The following VEGFC variants were observed in gnomAD, a reference collection of about 807,000 sequenced individuals.
VEGFC encodes vascular endothelial growth factor C.
Under a neutral mutation model 46.1 loss-of-function variants are expected in VEGFC, and 12 were observed. The ratio of observed to expected loss-of-function variants is 0.26; its 90% CI spans 0.17 to 0.42. The LOEUF is 0.42. VEGFC is among the 10% of genes least tolerant of loss of function. The pLI is 1.00. For missense variants in VEGFC, 488 were observed against 529.4 expected, an observed-to-expected ratio of 0.92 and a Z score of 0.77; for synonymous variants, 232 against 195.5, an observed-to-expected ratio of 1.19 and a Z score of -1.56.
intron 1 of VEGFC, among the ~76,000 whole-genome samples, chr4:176,774,904 G>T (rs1282481542): frequency 6.6e-6 from 1 of 151,574 alleles, no homozygotes; most frequent in African/African-American, 2.4e-5. Flanking sequence ...CCTCTAGATT[G>T]TCAGGTAAGA....
chr4:176,722,488 G>GTTTTTTTTTTTTTTTTTTT (rs138526102), intron 3 of VEGFC, among the ~76,000 whole-genome samples: 3 of 134,976 alleles, frequency 2.2e-5, no homozygotes, highest in Non-Finnish European at 3.0e-5. Flanking sequence ...TTTTTCTTTT[G>GTTTTTTTTTTTTTTTTTTT]TTTTTTTTTT....
intron 1 of VEGFC, among the ~76,000 whole-genome samples, chr4:176,767,529 C>T (rs1560960607): frequency 6.6e-6 from 1 of 152,128 alleles, no homozygotes; most frequent in Non-Finnish European, 1.5e-5. Context: ...CTCACCTTGC[C>T]CCTGCAGGAC....
intron 1 of VEGFC, among the ~76,000 whole-genome samples, chr4:176,757,142 T>C (rs1735446305): frequency 3.3e-5 from 5 of 152,086 alleles, no homozygotes; most frequent in Admixed American, 3.3e-4. Context: ...TAACAGGTGA[T>C]GGAAATAAGT....
At chr4:176,723,254 C>A (rs1340107762) in intron 3 of VEGFC, among the ~76,000 whole-genome samples, 1 of 151,706 alleles carries the variant, frequency 6.6e-6, no homozygotes, top group South Asian at 2.1e-4. Flanking sequence ...ATCTGGATAT[C>A]TAGATATAGA....
Position 176,727,814 on chromosome 4 carries a change from C to T in VEGFC, c.516G>A (p.Gln172=). The T allele has an allele frequency of 6.2e-7, 1 of 1,613,834 alleles. No homozygotes were observed. Among genetic ancestry groups the T allele is most frequent in the Non-Finnish European group, 8.5e-7 (1 of 1,179,800 alleles). The change falls in exon 3 of 7, where the codon CAG becomes CAA. Residue 172 remains glutamine (Q), a synonymous_variant. Coordinates refer to ENST00000618562, the MANE Select transcript of VEGFC (RefSeq NM_005429.5). ...GGTAGCTCGTGCTGGTGTTCATGCA[C>T]TGCAGCCCCTCACTATTGCAGCAAC... ...CGGCCNSEGL[Q]CMNTSTSYLS...
chr4:176,745,922 A>G (rs549629254), intron 1 of VEGFC, among the ~76,000 whole-genome samples: 49 of 152,236 alleles, frequency 3.2e-4, no homozygotes, highest in African/African-American at 1.1e-3. Context: ...GTACAAGGGC[A>G]AAATTTTAAT....
At chr4:176,776,769 T>C (rs1041794023) in intron 1 of VEGFC, among the ~76,000 whole-genome samples, 2 of 152,202 alleles carry the variant, frequency 1.3e-5, no homozygotes, top group African/African-American at 2.4e-5. Context: ...AAATAGAAAA[T>C]TGTTAACATT....
At chr4:176,726,162 A>T (rs1451780140) in intron 3 of VEGFC, among the ~76,000 whole-genome samples, 1 of 152,174 alleles carries the variant, frequency 6.6e-6, no homozygotes, top group East Asian at 1.9e-4. Context: ...ATGTTAGTCT[A>T]TCAAAAATAT....
chr4:176,784,454 A>G (rs992659863), intron 1 of VEGFC, among the ~76,000 whole-genome samples: 2 of 151,990 alleles, frequency 1.3e-5, no homozygotes, highest in Admixed American at 6.6e-5. Flanking sequence ...TTTTAAAAGG[A>G]TAAAGTAACT....
intron 4 of VEGFC, among the ~76,000 whole-genome samples, chr4:176,695,226 T>C (rs375090859): frequency 6.6e-6 from 1 of 151,780 alleles, no homozygotes; most frequent in African/African-American, 2.4e-5. Flanking sequence ...ATTGATAGAC[T>C]GCTAGCAAGA....
intron 1 of VEGFC, among the ~76,000 whole-genome samples, chr4:176,761,154 A>G (rs1735524289): frequency 6.6e-6 from 1 of 152,216 alleles, no homozygotes; most frequent in South Asian, 2.1e-4. Context: ...ATTGTGAGAA[A>G]ATTAAATTAT....
intron 1 of VEGFC, among the ~76,000 whole-genome samples, chr4:176,764,894 A>C (rs1735593542): frequency 1.3e-5 from 2 of 152,180 alleles, no homozygotes; most frequent in South Asian, 2.1e-4. Flanking sequence ...AGACTAACAA[A>C]AAAATAGAAA....
chr4:176,718,402 T>C (rs1347860940), intron 3 of VEGFC, among the ~76,000 whole-genome samples: 3 of 152,150 alleles, frequency 2.0e-5, no homozygotes, highest in Non-Finnish European at 4.4e-5. Context: ...CATTATATAG[T>C]TGCATATTTT....
intron 1 of VEGFC, among the ~76,000 whole-genome samples, chr4:176,743,197 T>C (rs1215096413): frequency 2.6e-5 from 4 of 152,026 alleles, no homozygotes; most frequent in Non-Finnish European, 5.9e-5. Flanking sequence ...CAACTTCTTG[T>C]GTCCTGTGAT....
chr4:176,782,203 A>T (rs996675295), intron 1 of VEGFC, among the ~76,000 whole-genome samples: 3 of 152,252 alleles, frequency 2.0e-5, no homozygotes, highest in African/African-American at 7.2e-5. Flanking sequence ...ACAGCGGCTC[A>T]TGCCTGTAAT....
rs1173295255 is a variant in VEGFC at position 176,740,029 on chromosome 4, TCGAA to T, written c.148-10287_148-10284del. On this transcript the variant is annotated intron_variant, in intron 1 of 6. Transcript: ENST00000618562. The stretch of plus-strand genomic sequence containing the variant: ...TATATATAACTATATATTCGATATA[TCGAA>T]TATATATAACTATTCGATATATAGA... 1.3e-3 allele frequency among the ~76,000 whole-genome samples: 38 copies of T among 28,336 alleles called. 5 individuals carry two copies. Among genetic ancestry groups the T allele is most frequent in the African/African-American group, 2.1e-3 (34 of 16,312 alleles). 18.6% of individuals were successfully genotyped at this position (28,336 alleles called of 152,430 possible).
chr4:176,791,324 T>C (rs1736085949), intron 1 of VEGFC, among the ~76,000 whole-genome samples: 1 of 152,156 alleles, frequency 6.6e-6, no homozygotes, highest in Non-Finnish European at 1.5e-5. Flanking sequence ...TATGAACTTT[T>C]TAGATAAAGA....
chr4:176,776,870 T>C lies in VEGFC; in HGVS notation c.147+15295A>G, dbSNP rs28407972. On this transcript the variant is annotated intron_variant, in intron 1 of 6. Coordinates refer to ENST00000618562, the MANE Select transcript of VEGFC (RefSeq NM_005429.5). ...CTTAGACATGCTAAAAGTTTTATCA[T>C]AGTATCAATATTTATAGTTATTCCA... Among the ~76,000 whole-genome samples the C allele has an allele frequency of 2.7e-3, 410 of 152,364 alleles. 2 individuals are homozygous for C. Among genetic ancestry groups the C allele is most frequent in the African/African-American group, 9.6e-3 (400 of 41,594 alleles).
intron 4 of VEGFC, among the ~76,000 whole-genome samples, chr4:176,695,461 A>C (rs1734292998): frequency 6.6e-6 from 1 of 151,416 alleles, no homozygotes; most frequent in African/African-American, 2.4e-5. Context: ...GACCAATAAC[A>C]GGATCTGAAA....
Sources: gnomAD v4.1 joint callset for allele counts (sites outside exome capture counted in the v4.1 genomes callset) on GRCh38, gnomAD v4.1.1 for gene constraint, MANE v1.5 for transcripts, NCBI Gene and HGNC (gene_info 2026-07-23, HGNC 2026-07-21) for gene names.